The following KCNMA1 variants were observed in gnomAD, a reference collection of about 807,000 sequenced individuals.
KCNMA1 encodes the protein Calcium-activated potassium channel subunit alpha-1.
KCNMA1 carries 29 observed loss-of-function variants against 140.0 expected under a neutral mutation model. The ratio of observed to expected loss-of-function variants is 0.21; its 90% CI spans 0.15 to 0.28. The LOEUF (loss-of-function observed/expected upper bound fraction) is 0.28. Among genes scored for constraint, KCNMA1 ranks in the 10% least tolerant of loss-of-function variants. The pLI is 1.00. For missense variants in KCNMA1, 880 were observed against 1,602.2 expected (o/e 0.55, Z 7.70); for synonymous variants, 612 against 611.9 (o/e 1.00, Z 0.00).
At chr10:77,034,100 C>T (rs934591113) in intron 15 of KCNMA1, among the ~76,000 whole-genome samples, 11 of 151,908 alleles carry the variant, frequency 7.2e-5, no homozygotes, top group African/African-American at 2.2e-4. Flanking sequence ...AAAAATTAAC[C>T]GGTTGTGGTG....
At chr10:76,928,277 G>A (rs1226038664) in intron 23 of KCNMA1, among the ~76,000 whole-genome samples, 1 of 122,686 alleles carries the variant, frequency 8.2e-6, no homozygotes, top group Non-Finnish European at 1.7e-5. Context: ...ACACACACAC[G>A]AACACGCGCG....
At chr10:76,888,328 A>G (rs1442273519) in intron 27 of KCNMA1, 1 of 152,208 alleles carries the variant, frequency 6.6e-6, no homozygotes, top group Non-Finnish European at 1.5e-5. Context: ...GGTCTATAGC[A>G]ATTGTTCTCA....
intron 2 of KCNMA1, among the ~76,000 whole-genome samples, chr10:77,358,066 A>G (rs1161769791): frequency 4.6e-5 from 7 of 152,224 alleles, no homozygotes; most frequent in Non-Finnish European, 8.8e-5. Context: ...AAAGCACAAT[A>G]TAAGAAAAAG....
chr10:77,368,291 A>G (rs2094485295), intron 2 of KCNMA1, among the ~76,000 whole-genome samples: 1 of 152,198 alleles, frequency 6.6e-6, no homozygotes. Context: ...CTAATGGCTA[A>G]AGATGCTGAT....
At chr10:77,541,071 A>T (rs12253758) in intron 1 of KCNMA1, among the ~76,000 whole-genome samples, 1 of 152,070 alleles carries the variant, frequency 6.6e-6, no homozygotes, top group African/African-American at 2.4e-5. Context: ...AACAAAATTT[A>T]AAAAAAGAAG....
chr10:77,073,595 G>A (rs917422574), intron 13 of KCNMA1, among the ~76,000 whole-genome samples: 2 of 152,162 alleles, frequency 1.3e-5, no homozygotes, highest in African/African-American at 4.8e-5. Flanking sequence ...CTAATAGACC[G>A]TAGGAGTGCC....
At chr10:77,584,950 ACTCC>A (rs1490424971) in intron 1 of KCNMA1, among the ~76,000 whole-genome samples, 1 of 152,038 alleles carries the variant, frequency 6.6e-6, no homozygotes, top group Admixed American at 6.6e-5. Context: ...TGGAGCATGC[ACTCC>A]CTGCACAGTC....
chr10:77,433,352 C>T (rs1343533733), intron 1 of KCNMA1, among the ~76,000 whole-genome samples: 1 of 152,116 alleles, frequency 6.6e-6, no homozygotes, highest in African/African-American at 2.4e-5. Context: ...AGGGTTTCAC[C>T]ATGTTGGTCA....
intron 1 of KCNMA1, among the ~76,000 whole-genome samples, chr10:77,595,475 G>A (rs2080631579): frequency 6.6e-6 from 1 of 151,914 alleles, no homozygotes; most frequent in Non-Finnish European, 1.5e-5. Flanking sequence ...GGACTTCGGG[G>A]CCCCATAGTT....
intron 2 of KCNMA1, among the ~76,000 whole-genome samples, chr10:77,347,416 C>T (rs1462392811): frequency 1.3e-5 from 2 of 152,316 alleles, no homozygotes; most frequent in African/African-American, 4.8e-5. Flanking sequence ...CTCTTAACCA[C>T]ATGAAGAGAA....
Position 77,347,837 on chromosome 10 carries a change from T to A in KCNMA1, c.540+56025A>T, listed in dbSNP as rs574664525. Among the ~76,000 whole-genome samples the A allele has an allele frequency of 2.6e-5, 4 of 152,302 alleles. No individual in the cohort carries two copies. The East Asian group carries it at 7.7e-4, about 29-fold the overall frequency. ...AATAGCTACCATATATAGAATACAT[T>A]ATATTTCAGAAACTGTACTAAAACC... On this transcript the variant is annotated intron_variant, in intron 2 of 27. Coordinates refer to ENST00000286628, the MANE Select transcript of KCNMA1 (RefSeq NM_001161352.2).
At chr10:77,430,080 A>G (rs2097120733) in intron 1 of KCNMA1, among the ~76,000 whole-genome samples, 1 of 152,204 alleles carries the variant, frequency 6.6e-6, no homozygotes, top group African/African-American at 2.4e-5. Flanking sequence ...CCCTCAACTC[A>G]CTATGCCAAA....
intron 1 of KCNMA1, among the ~76,000 whole-genome samples, chr10:77,419,617 G>A (rs931067740): frequency 2.6e-5 from 4 of 152,168 alleles, no homozygotes; most frequent in African/African-American, 9.7e-5. Flanking sequence ...CTCAGTGGTA[G>A]TGACACAAAT....
chr10:77,275,810 T>C (rs1185361045), intron 2 of KCNMA1, among the ~76,000 whole-genome samples: 1 of 152,206 alleles, frequency 6.6e-6, no homozygotes, highest in East Asian at 1.9e-4. Context: ...GAGAAAAGGA[T>C]GGCAAGGGAG....
At chr10:76,956,182 C>T (rs2153009980) in intron 20 of KCNMA1, among the ~76,000 whole-genome samples, 1 of 152,254 alleles carries the variant, frequency 6.6e-6, no homozygotes, top group East Asian at 1.9e-4. Context: ...TAACAGTGGC[C>T]TACAACTTTC....
At chr10:76,947,346 C>G (rs1235205361) in intron 22 of KCNMA1, among the ~76,000 whole-genome samples, 3 of 151,964 alleles carry the variant, frequency 2.0e-5, no homozygotes, top group Admixed American at 6.6e-5. Context: ...TCAAAACAAA[C>G]AAACAAACAA....
chr10:77,079,430 C>T (rs2096501971), intron 13 of KCNMA1, 51 bp downstream of exon 13: 1 of 1,002,154 alleles, frequency 1.0e-6, no homozygotes, highest in African/African-American at 1.6e-5. Flanking sequence ...GAAGAAGAGG[C>T]TGGACCTGTG....
chr10:76,953,235 T>C (rs572570253), intron 21 of KCNMA1, among the ~76,000 whole-genome samples: 66 of 152,344 alleles, frequency 4.3e-4, no homozygotes, highest in African/African-American at 1.5e-3. Flanking sequence ...AGCTCACAGA[T>C]GCACAAGGCT....
At chr10:77,592,898 ACAAAGGCAGTGGGGTC>A (rs2079661787) in intron 1 of KCNMA1, among the ~76,000 whole-genome samples, 1 of 152,184 alleles carries the variant, frequency 6.6e-6, no homozygotes, top group African/African-American at 2.4e-5. Context: ...GAGAGAGCGC[ACAAAGGCAGTGGGGTC>A]CAATAAAGAC....
Sources: gnomAD v4.1 joint callset for allele counts (sites outside exome capture counted in the v4.1 genomes callset) on GRCh38, gnomAD v4.1.1 for gene constraint, MANE v1.5 for transcripts, NCBI Gene and HGNC (gene_info 2026-07-23, HGNC 2026-07-21) for gene names.